ATP8A2: variants seen among roughly 807,000 people sequenced by gnomAD.
The protein encoded by ATP8A2 is ATPase phospholipid transporting 8A2, also known as phospholipid-transporting ATPase IB.
A neutral mutation model predicts 165.6 loss-of-function variants in ATP8A2; 100 were observed. That is an observed-to-expected ratio of 0.60 (90% confidence interval 0.51 to 0.71). The LOEUF (loss-of-function observed/expected upper bound fraction) is 0.71. Ranked by LOEUF, ATP8A2 falls within the 30% of genes least tolerant of loss-of-function variation. The probability of loss-of-function intolerance (pLI) is 0.00; values close to 1 mark genes in which losing one functional copy is unlikely to be tolerated. For missense variants in ATP8A2, 1,227 were observed against 1,479.5 expected, an observed-to-expected ratio of 0.83 and a Z score of 2.80; for synonymous variants, 543 against 548.8, an observed-to-expected ratio of 0.99 and a Z score of 0.15.
At chr13:25,796,565 A>G (rs1364681011) in intron 27 of ATP8A2, among the ~76,000 whole-genome samples, 2 of 152,186 alleles carry the variant, frequency 1.3e-5, no homozygotes, top group African/African-American at 4.8e-5. Flanking sequence ...GGGAAGAGCC[A>G]TTTCCAAACA....
intron 5 of ATP8A2, 76 bp from the exon 6 acceptor site, chr13:25,533,193 AAAAG>A: frequency 2.6e-6 from 2 of 782,192 alleles, no homozygotes; most frequent in Non-Finnish European, 4.3e-6. Context: ...ATGGAATTCT[AAAAG>A]AAAGCTTTTG....
intron 2 of ATP8A2, among the ~76,000 whole-genome samples, chr13:25,528,774 GCACACATATGCAACATGTGTA>G (rs2037925910): frequency 1.6e-4 from 12 of 75,784 alleles, no homozygotes; most frequent in African/African-American, 3.2e-4. Context: ...ACATGTGTAT[GCACACATATGCAACATGTGTA>G]TGCACACATA....
intron 27 of ATP8A2, among the ~76,000 whole-genome samples, chr13:25,782,373 G>T (rs1301830212): frequency 6.6e-6 from 1 of 152,214 alleles, no homozygotes; most frequent in African/African-American, 2.4e-5. Context: ...GCTTCATCAA[G>T]TATGGAACCA....
At position 25,590,444 on chromosome 13, in the gene ATP8A2, C is replaced by T. The variant is rs550017251; in HGVS notation, c.2211+745C>T. ...TGTCTTGAAATAATAATAATACATTCGTATAGTAATAGGATACATGTATAC... is the reference window on the plus strand; with the variant it reads ...TGTCTTGAAATAATAATAATACATTTGTATAGTAATAGGATACATGTATAC... On this transcript the variant is annotated intron_variant, in intron 24 of 36. Coordinates refer to ENST00000381655, the MANE Select transcript of ATP8A2 (RefSeq NM_016529.6). 3.9e-5 allele frequency among the ~76,000 whole-genome samples: 6 copies of T among 152,208 alleles called. No individual in the cohort carries two copies. In the East Asian group the frequency reaches 7.7e-4, roughly 20 times the overall value.
At chr13:25,484,497 A>C (rs1013800994) in intron 2 of ATP8A2, among the ~76,000 whole-genome samples, 2 of 151,830 alleles carry the variant, frequency 1.3e-5, no homozygotes, top group Non-Finnish European at 2.9e-5. Context: ...AAGGAATATT[A>C]TTTATTTATT....
intron 24 of ATP8A2, among the ~76,000 whole-genome samples, chr13:25,677,123 C>T (rs1159297653): frequency 6.6e-6 from 1 of 152,206 alleles, no homozygotes. Context: ...AAAAACTCTT[C>T]TATTGTGGCA....
rs183190111 is a variant in ATP8A2 at position 25,519,054 on chromosome 13, C to T, written c.222-10945C>T. On this transcript the variant is annotated intron_variant, in intron 2 of 36. Transcript: ENST00000381655. ...CATTTCAGTTCTCTTCATACTTCTC[C>T]ACCTCCGTTTGCCCAAATTGGGCTC... 4.6e-5 allele frequency among the ~76,000 whole-genome samples: 7 copies of T among 152,268 alleles called. No individual in the cohort carries two copies. The East Asian group carries it at 1.4e-3, about 29-fold the overall frequency.
intron 1 of ATP8A2, among the ~76,000 whole-genome samples, chr13:25,417,447 T>C (rs553491905): frequency 2.4e-5 from 2 of 83,610 alleles, no homozygotes; most frequent in Non-Finnish European, 5.1e-5. Context: ...ATAGATGAGA[T>C]AGTTGTATTG....
At chr13:25,778,503 C>T (rs1374309254) in intron 27 of ATP8A2, among the ~76,000 whole-genome samples, 1 of 152,158 alleles carries the variant, frequency 6.6e-6, no homozygotes, top group East Asian at 1.9e-4. Flanking sequence ...CTGCAGCTGC[C>T]TTAATTTAGT....
chr13:25,926,018 A>G (rs1483252654), intron 33 of ATP8A2, among the ~76,000 whole-genome samples: 2 of 152,150 alleles, frequency 1.3e-5, no homozygotes, highest in African/African-American at 2.4e-5. Flanking sequence ...GAGCCACCGC[A>G]CCCAGTCAGT....
chr13:25,512,307 G>A (rs1009485653), intron 2 of ATP8A2, among the ~76,000 whole-genome samples: 2 of 152,108 alleles, frequency 1.3e-5, no homozygotes, highest in Non-Finnish European at 2.9e-5. Context: ...GCAACCATCC[G>A]ATTTCTCAAT....
intron 35 of ATP8A2, among the ~76,000 whole-genome samples, chr13:25,977,291 G>C (rs1030651631): frequency 3.3e-5 from 5 of 152,198 alleles, no homozygotes; most frequent in Non-Finnish European, 7.3e-5. Context: ...TTGAGACAAT[G>C]GGGAGAGTTC....
At chr13:25,403,731 G>A (rs1434352397) in intron 1 of ATP8A2, among the ~76,000 whole-genome samples, 1 of 152,142 alleles carries the variant, frequency 6.6e-6, no homozygotes, top group Non-Finnish European at 1.5e-5. Context: ...ATTTTGAATG[G>A]AATGTTGCCT....
At chr13:25,517,208 G>C (rs1247407830) in intron 2 of ATP8A2, 3 of 151,078 alleles carry the variant, frequency 2.0e-5, no homozygotes, top group African/African-American at 7.3e-5. Context: ...ACACATTCAT[G>C]AAGTGTTCTA....
intron 25 of ATP8A2, among the ~76,000 whole-genome samples, chr13:25,711,665 C>G (rs2043162122): frequency 6.6e-6 from 1 of 152,112 alleles, no homozygotes; most frequent in Admixed American, 6.5e-5. Flanking sequence ...CAATTTAGCA[C>G]ATGTTAGACT....
At chr13:25,564,287 G>A (rs1268438431) in intron 16 of ATP8A2, among the ~76,000 whole-genome samples, 1 of 152,146 alleles carries the variant, frequency 6.6e-6, no homozygotes, top group Non-Finnish European at 1.5e-5. Flanking sequence ...ACATAATTCT[G>A]TAACAGTTCC....
intron 35 of ATP8A2, among the ~76,000 whole-genome samples, chr13:25,987,930 A>T (rs1956304281): frequency 6.6e-6 from 1 of 152,234 alleles, no homozygotes; most frequent in Admixed American, 6.5e-5. Context: ...TTGCAGATCC[A>T]TTAGTTACAT....
At chr13:25,993,863 G>A (rs1302003189) in intron 35 of ATP8A2, among the ~76,000 whole-genome samples, 2 of 152,144 alleles carry the variant, frequency 1.3e-5, no homozygotes, top group Middle Eastern at 3.4e-3. Context: ...GGTCTCATCT[G>A]TAACGACAAA....
chr13:25,465,361 A>G (rs367734332), intron 1 of ATP8A2, among the ~76,000 whole-genome samples: 1 of 152,134 alleles, frequency 6.6e-6, no homozygotes, highest in Admixed American at 6.6e-5. Context: ...CTAGGAAAAA[A>G]TCCCAAGGTT....
Sources: allele counts gnomAD v4.1 joint callset (sites outside exome capture counted in the v4.1 genomes callset), GRCh38; gene constraint gnomAD v4.1.1; transcripts MANE v1.5; gene names NCBI Gene and HGNC (gene_info 2026-07-23, HGNC 2026-07-21).